Variants in DRP2 observed in about 807,000 individuals in gnomAD.
DRP2 encodes dystrophin-related protein 2.
A neutral mutation model predicts 78.2 loss-of-function variants in DRP2; 29 were observed. The observed-to-expected ratio is 0.37, with a 90% confidence interval of 0.28 to 0.51. The LOEUF (loss-of-function observed/expected upper bound fraction) is 0.51. Ranked by LOEUF, DRP2 falls within the 20% of genes least tolerant of loss-of-function variation. The pLI is 0.94. For synonymous variants in DRP2, 290 were observed against 281.9 expected (o/e 1.03, Z -0.29); for missense variants, 686 against 770.6 (o/e 0.89, Z 1.30).
rs1270546560 is a variant in DRP2, at chrX:101,250,981, C to T, written c.1763C>T (p.Ser588Phe). 7 of 1,211,836 alleles carry T rather than the reference C, an allele frequency of 5.8e-6. No homozygotes were observed. The highest frequency in any genetic ancestry group is 7.8e-6 in the Non-Finnish European group (7 of 895,452). Residue 588 changes from serine to phenylalanine, a missense_variant, in exon 16 of 24, where the codon TCC becomes TTC. Physicochemically the swap from Ser to Phe is radical, Grantham distance 155. Coordinates refer to ENST00000395209, the MANE Select transcript of DRP2 (RefSeq NM_001939.3). ...FLEWVNLEPQSMVWLAVLHRV... is the reference protein window; with the variant it reads ...FLEWVNLEPQFMVWLAVLHRV... The stretch of plus-strand genomic sequence containing the variant: ...GAGTGGGTCAACCTGGAGCCCCAGT[C>T]CATGGTGTGGCTGGCTGTTCTGCAT...
chrX:101,249,323 A>G (rs1023613325), intron 14 of DRP2, among the ~76,000 whole-genome samples: 7 of 112,667 alleles, frequency 6.2e-5, no homozygotes, highest in East Asian at 5.5e-4. Flanking sequence ...TATGACAGAA[A>G]AGAGACAGAT....
chrX:101,252,264 T>C, intron 16 of DRP2, among the ~76,000 whole-genome samples: 1 of 111,963 alleles, frequency 8.9e-6, no homozygotes, highest in Middle Eastern at 4.6e-3. Context: ...AGCCTGGACC[T>C]GTTTGGGCCA....
chrX:101,239,339 C>T (rs1324416238), intron 6 of DRP2, among the ~76,000 whole-genome samples: 1 of 111,608 alleles, frequency 9.0e-6, no homozygotes, highest in Non-Finnish European at 1.9e-5. Context: ...GTATGTGGCT[C>T]TTTGGAGCAG....
At chrX:101,226,744 T>C (rs1335174942) in intron 2 of DRP2, among the ~76,000 whole-genome samples, 1 of 111,505 alleles carries the variant, frequency 9.0e-6, no homozygotes, top group Non-Finnish European at 1.9e-5. Context: ...TCACCTTAGC[T>C]CGAAAGCTTC....
At chrX:101,249,820 A>G (rs1051936476) in intron 14 of DRP2, among the ~76,000 whole-genome samples, 2 of 112,126 alleles carry the variant, frequency 1.8e-5, no homozygotes, top group African/African-American at 3.2e-5. Context: ...AAGGGCTTAA[A>G]TAACCCATAT....
chrX:101,251,676 T>C (rs1923146228), intron 16 of DRP2: 1 of 112,482 alleles, frequency 8.9e-6, no homozygotes, highest in Non-Finnish European at 1.9e-5. Context: ...GTTTATATAA[T>C]TTAATAATGG....
chrX:101,240,998 A>G (rs979841463), intron 6 of DRP2, among the ~76,000 whole-genome samples: 2 of 112,114 alleles, frequency 1.8e-5, no homozygotes, highest in African/African-American at 6.5e-5. Flanking sequence ...CCTTCATAAA[A>G]TGCCTCCCTT....
chrX:101,251,774 G>A (rs748547959), intron 16 of DRP2: 1 of 112,264 alleles, frequency 8.9e-6, no homozygotes, highest in South Asian at 3.7e-4. Flanking sequence ...GCACACCACA[G>A]TATATACCTG....
chrX:101,254,512 C>T lies in DRP2; in HGVS notation c.2065C>T (p.Arg689Ter). ...SKHYFSKHPQ[R>*]GYLPVQSVLE... Reference sequence around the variant, plus strand: ...GCATTATTTCAGCAAACACCCTCAGCGAGGTTATCTGCCTGTGCAATCAGT... The same window carrying T: ...GCATTATTTCAGCAAACACCCTCAGTGAGGTTATCTGCCTGTGCAATCAGT... Residue 689 changes from arginine to a stop codon, truncating the protein, a stop_gained, in exon 18 of 24, where the codon CGA (arginine) becomes TGA (stop). Transcript: ENST00000395209. LOFTEE classifies it high-confidence loss of function. 3 of 1,211,995 alleles carry T rather than the reference C, an allele frequency of 2.5e-6. No individual in the cohort carries two copies. Among genetic ancestry groups the T allele is most frequent in the South Asian group, 1.8e-5 (1 of 57,023 alleles).
chrX:101,231,668 G>T lies in DRP2; in HGVS notation c.21G>T (p.Gln7His). 1 of 1,211,048 alleles carries T rather than the reference G, an allele frequency of 8.3e-7. No individual in the cohort carries two copies. The highest frequency in any genetic ancestry group is 1.1e-6 in the Non-Finnish European group (1 of 895,095). The change falls in exon 3 of 24, where the codon CAG (glutamine) becomes CAT (histidine). Residue 7 changes from glutamine to histidine, a missense_variant. This residue lies in a region of DRP2 where 263 missense variants were observed against 239.1 expected (regional missense o/e 1.10). Coordinates refer to ENST00000395209, the MANE Select transcript of DRP2 (RefSeq NM_001939.3). ...TTTTTATGCAACCTATGGTCATGCA[G>T]GGATGCCCTTACACCCTCCCACGAT... is the stretch of plus-strand genomic sequence containing the variant. MQPMVM[Q>H]GCPYTLPRCH...
intron 2 of DRP2, among the ~76,000 whole-genome samples, chrX:101,229,368 A>G (rs1361979053): frequency 1.8e-5 from 2 of 111,652 alleles, no homozygotes; most frequent in African/African-American, 6.5e-5. Flanking sequence ...ACATAGCTGT[A>G]TAATCTATAG....
At chrX:101,255,735 C>A (rs969158845) in intron 20 of DRP2, among the ~76,000 whole-genome samples, 1 of 110,498 alleles carries the variant, frequency 9.0e-6, no homozygotes, top group Non-Finnish European at 1.9e-5. Context: ...CTCAGAGGTC[C>A]TAGGAGCTTC....
rs745872373 is a variant in DRP2, at chrX:101,258,340, T to G, written c.2422T>G (p.Trp808Gly). ...CCAGGGAGAGCTGAGGCGCCTGAAG[T>G]GGCAGCATGAGGAGGCAGCTGAGGC... Reference protein sequence around the residue: ...ILQGELRRLKWQHEEAAEAPS... With the variant: ...ILQGELRRLKGQHEEAAEAPS... The change falls in exon 22 of 24, where the codon TGG becomes GGG. Residue 808 changes from tryptophan to glycine, a missense_variant. Coordinates refer to ENST00000395209, the MANE Select transcript of DRP2 (RefSeq NM_001939.3). 2.5e-6 allele frequency: 3 copies of G among 1,185,593 alleles called. No individual in the cohort carries two copies. Among genetic ancestry groups the G allele is most frequent in the Non-Finnish European group, 3.4e-6 (3 of 882,861 alleles).
In DRP2 at chrX:101,261,049, G is replaced by A. The variant is rs1188196227; in HGVS notation, c.*428G>A. On this transcript the variant is annotated 3_prime_UTR_variant, in exon 24 of 24. Transcript: ENST00000395209. ...TCCATCCAGCATTATGAATCCACAG[G>A]GTTTACCCCTACTCTCTGGCGCAAC... The A allele has an allele frequency of 8.6e-6, 1 of 116,141 alleles. No homozygotes were observed. The highest frequency in any genetic ancestry group is 3.3e-5 in the African/African-American group (1 of 30,736). The allele number at this position is 116,141 out of a possible 1,213,427, so 9.6% of individuals were successfully genotyped here. A position where few individuals can be genotyped will look rare whatever the true frequency, so the allele number is the denominator to read the frequency against.
chrX:101,225,828 G>A (rs1401153734), intron 2 of DRP2, among the ~76,000 whole-genome samples: 1 of 111,564 alleles, frequency 9.0e-6, no homozygotes. Context: ...GTGGTGTGGG[G>A]AATAATTCTG....
chrX:101,220,824 C>T (rs1440091215), intron 1 of DRP2, among the ~76,000 whole-genome samples: 1 of 111,499 alleles, frequency 9.0e-6, no homozygotes. Context: ...TATCTTCTCC[C>T]CTGGTTTCCT....
chrX:101,228,555 G>T (rs184430447), intron 2 of DRP2, among the ~76,000 whole-genome samples: 1 of 111,729 alleles, frequency 9.0e-6, no homozygotes, highest in East Asian at 2.8e-4. Context: ...CTCTAGGTCT[G>T]TCTGATGCCA....
At chrX:101,245,474 G>A in intron 11 of DRP2, 25 bp downstream of exon 11, 6 of 1,155,275 alleles carry the variant, frequency 5.2e-6, no homozygotes, top group Non-Finnish European at 7.0e-6. Context: ...TTCCTGTATA[G>A]GGTGGGCATA....
Position 101,254,836 on chromosome X carries a change from G to A in DRP2, c.2115-23G>A, listed in dbSNP as rs5966744. ...CAGGCTGCCCAGTCTTTGGTCCTCC[G>A]AGTCTTTGCTGCTTTCTTCTAGGCC... On this transcript the variant is annotated intron_variant, in intron 18 of 23. Coordinates refer to ENST00000395209, the MANE Select transcript of DRP2 (RefSeq NM_001939.3). 9.2e-4 allele frequency: 1,109 copies of A among 1,209,713 alleles called. 11 individuals are homozygous for A. In the African/African-American group the frequency reaches 0.017, roughly 19 times the overall value.
Sources: gnomAD v4.1 joint callset for allele counts (sites outside exome capture counted in the v4.1 genomes callset) on GRCh38, gnomAD v4.1.1 for gene constraint, gnomAD v4.1.1 regional missense constraint, MANE v1.5 for transcripts, NCBI Gene and HGNC (gene_info 2026-07-23, HGNC 2026-07-21) for gene names.